CDON: variants seen among roughly 807,000 people sequenced by gnomAD.
CDON encodes cell adhesion associated, oncogene regulated, also known as cell adhesion molecule-related/down-regulated by oncogenes.
In CDON, 73 loss-of-function variants were observed where a neutral mutation model predicts 120.9. That is an observed-to-expected ratio of 0.60 (90% CI 0.50 to 0.73). The LOEUF (loss-of-function observed/expected upper bound fraction) is 0.73. CDON is among the 30% of genes least tolerant of loss of function. The probability of loss-of-function intolerance (pLI) is 0.00; values close to 1 mark genes in which losing one functional copy is unlikely to be tolerated. For synonymous variants in CDON, 566 were observed against 573.5 expected, an observed-to-expected ratio of 0.99 and a Z score of 0.19; for missense variants, 1,470 against 1,587.3, an observed-to-expected ratio of 0.93 and a Z score of 1.26.
At position 126,001,870 on chromosome 11, in the gene CDON, T is replaced by C. The variant is rs1946956652; in HGVS notation, c.2027-20A>G. ...TTTTTTCTAGAAAGGTAAATAAACA[T>C]ATACAGTAACATAAGCATATATGTA... On this transcript the variant is annotated intron_variant, in intron 10 of 19. Coordinates refer to ENST00000531738, the MANE Select transcript of CDON (RefSeq NM_001378964.1). 3 of 1,561,778 alleles carry C rather than the reference T, an allele frequency of 1.9e-6. No homozygotes were observed. Among genetic ancestry groups the C allele is most frequent in the Non-Finnish European group, 2.6e-6 (3 of 1,132,278 alleles).
chr11:125,961,229 T>G (rs1013284518), intron 19 of CDON, 124 bp from the exon 20 acceptor site: 18 of 884,462 alleles, frequency 2.0e-5, no homozygotes, highest in Non-Finnish European at 3.1e-5. Context: ...TAGAACCTGG[T>G]TTGTGTGTGG....
intron 1 of CDON, among the ~76,000 whole-genome samples, chr11:126,025,478 CAG>C (rs1392543783): frequency 6.6e-6 from 1 of 152,038 alleles, no homozygotes; most frequent in Non-Finnish European, 1.5e-5. Flanking sequence ...AGCAGAAAAA[CAG>C]GGAGAATTGC....
At position 125,970,198 on chromosome 11, in the gene CDON, CAG is replaced by C. The variant is rs534737725; in HGVS notation, c.3356+8104_3356+8105del. Among the ~76,000 whole-genome samples, 45 of 123,200 alleles carry C rather than the reference CAG, an allele frequency of 3.7e-4. 1 individual carries two copies. In the South Asian group the frequency reaches 0.011, roughly 30 times the overall value. 80.8% of individuals were successfully genotyped at this position (123,200 alleles called of 152,430 possible). On this transcript the variant is annotated intron_variant, in intron 18 of 19. Coordinates refer to ENST00000531738, the MANE Select transcript of CDON (RefSeq NM_001378964.1). The stretch of plus-strand genomic sequence containing the variant: ...TTTTTTTTTTTTTTTTTTTTTGAGA[CAG>C]AGTCTTGCTCTGTCGCCAGGCTGGA...
At chr11:126,041,063 C>T (rs1948248935) in intron 1 of CDON, among the ~76,000 whole-genome samples, 1 of 151,230 alleles carries the variant, frequency 6.6e-6, no homozygotes, top group African/African-American at 2.4e-5. Context: ...GTGGTGCACG[C>T]CTGTAATCCC....
In CDON at chr11:125,997,412, T is replaced by A; in HGVS notation, c.2159-2A>T. The A allele has an allele frequency of 6.2e-7, 1 of 1,604,982 alleles. No individual in the cohort carries two copies. Among genetic ancestry groups the A allele is most frequent in the Non-Finnish European group, 8.5e-7 (1 of 1,173,226 alleles). The stretch of plus-strand genomic sequence containing the variant: ...TAGGCCGATCTGGTGCCTCTGGAAC[T>A]AAACACGGAAACGTTCATTTCAATA... On this transcript the variant is annotated splice_acceptor_variant, in intron 11 of 19. Coordinates refer to ENST00000531738, the MANE Select transcript of CDON (RefSeq NM_001378964.1). LOFTEE classifies it high-confidence loss of function.
At chr11:126,039,267 T>C (rs1022788535) in intron 1 of CDON, among the ~76,000 whole-genome samples, 1 of 152,208 alleles carries the variant, frequency 6.6e-6, no homozygotes, top group South Asian at 2.1e-4. Context: ...CAATGGAAAC[T>C]ATAGCAATGG....
chr11:125,961,132 T>C (rs749110339), intron 19 of CDON, 27 bp from the exon 20 acceptor site: 12 of 1,608,176 alleles, frequency 7.5e-6, no homozygotes, highest in East Asian at 6.7e-5. Flanking sequence ...TTTGGGAGCA[T>C]TATCAAATGA....
intron 1 of CDON, among the ~76,000 whole-genome samples, chr11:126,049,005 A>G (rs1948484219): frequency 7.6e-6 from 1 of 130,996 alleles, no homozygotes; most frequent in Non-Finnish European, 1.7e-5. Flanking sequence ...GCGTGAGCCA[A>G]CAGGCGTGAG....
chr11:126,043,084 T>A (rs1565551103), intron 1 of CDON, among the ~76,000 whole-genome samples: 1 of 152,232 alleles, frequency 6.6e-6, no homozygotes, highest in Admixed American at 6.5e-5. Context: ...CTTTTCTGCA[T>A]GGCAGGTGGG....
At chr11:126,015,557 T>G (rs1947441703) in intron 6 of CDON, 47 bp from the exon 7 acceptor site, 3 of 1,581,714 alleles carry the variant, frequency 1.9e-6, no homozygotes, top group South Asian at 2.2e-5. Context: ...AAAATGTACT[T>G]CTTAAATTAT....
chr11:125,969,723 T>G (rs1397297273), intron 18 of CDON, among the ~76,000 whole-genome samples: 1 of 152,264 alleles, frequency 6.6e-6, no homozygotes, highest in Non-Finnish European at 1.5e-5. Context: ...TGGGACCTGT[T>G]AGTTTACTAA....
intron 17 of CDON, among the ~76,000 whole-genome samples, chr11:125,979,676 C>T (rs570430741): frequency 2.0e-5 from 3 of 152,268 alleles, no homozygotes; most frequent in South Asian, 2.1e-4. Context: ...AACACTAAAG[C>T]GAACATGGGC....
At chr11:125,967,654 C>A (rs1239288676) in intron 18 of CDON, among the ~76,000 whole-genome samples, 2 of 152,142 alleles carry the variant, frequency 1.3e-5, no homozygotes, top group East Asian at 1.9e-4. Flanking sequence ...CTACTAGAAA[C>A]CTGTATTTTC....
At chr11:126,017,778 T>A (rs1349690793) in intron 5 of CDON, among the ~76,000 whole-genome samples, 1 of 152,086 alleles carries the variant, frequency 6.6e-6, no homozygotes, top group Non-Finnish European at 1.5e-5. Flanking sequence ...CTCCTCTATT[T>A]CTTCTTGTTT....
At position 125,971,260 on chromosome 11, in the gene CDON, G is replaced by A. The variant is rs541836802; in HGVS notation, c.3356+7044C>T. ...TAGCTGGGTGTGGTGGCGGGCACTT[G>A]TAGTCCCAGCAACTCAGGAGGCTGA... On this transcript the variant is annotated intron_variant, in intron 18 of 19. Coordinates refer to ENST00000531738, the MANE Select transcript of CDON (RefSeq NM_001378964.1). Among the ~76,000 whole-genome samples the A allele has an allele frequency of 2.0e-5, 3 of 152,108 alleles. No individual in the cohort carries two copies. In the East Asian group the frequency reaches 5.8e-4, roughly 29 times the overall value.
At chr11:126,060,342 C>T (rs1948765975) in intron 1 of CDON, among the ~76,000 whole-genome samples, 1 of 152,162 alleles carries the variant, frequency 6.6e-6, no homozygotes, top group South Asian at 2.1e-4. Context: ...TCTACAGCTC[C>T]ACTGTATTGT....
intron 13 of CDON, 150 bp downstream of exon 13, chr11:125,994,721 G>A (rs530206095): frequency 5.5e-6 from 4 of 726,602 alleles, no homozygotes; most frequent in South Asian, 3.1e-5. Context: ...CAAAATATGT[G>A]CTCTTATTTA....
chr11:125,996,916 G>A (rs1023762750), intron 12 of CDON, among the ~76,000 whole-genome samples: 2 of 152,112 alleles, frequency 1.3e-5, no homozygotes, highest in Non-Finnish European at 2.9e-5. Flanking sequence ...GCTCACGCCT[G>A]TAATCCCAGC....
rs765906609 is a variant in CDON, at chr11:125,961,038, A to G, written c.3699T>C (p.Pro1233=). Residue 1233 remains proline (P), a synonymous_variant, in exon 20 of 20, where the codon CCT becomes CCC. Transcript: ENST00000531738. ...TCTTCTCAGCACAGCCCTCGGGGACAGGTGGCAAAATAAGAGCATTCCAAC... is the reference window on the plus strand; with the variant it reads ...TCTTCTCAGCACAGCCCTCGGGGACGGGTGGCAAAATAAGAGCATTCCAAC... The part of the protein sequence containing the change: ...IVSWNALILP[P]VPEGCAEKTM... The G allele has an allele frequency of 4.6e-5, 74 of 1,613,866 alleles. No homozygotes were observed. The highest frequency in any genetic ancestry group is 6.1e-5 in the Non-Finnish European group (72 of 1,179,846).
Sources: allele counts gnomAD v4.1 joint callset (sites outside exome capture counted in the v4.1 genomes callset), GRCh38; gene constraint gnomAD v4.1.1; transcripts MANE v1.5; gene names NCBI Gene and HGNC (gene_info 2026-07-23, HGNC 2026-07-21).